Variants in ZFHX2 observed in about 807,000 individuals in gnomAD.
ZFHX2 encodes zinc finger homeobox protein 2.
In ZFHX2, 75 loss-of-function variants were observed where a neutral mutation model predicts 164.8. The ratio of observed to expected loss-of-function variants is 0.46; its 90% CI spans 0.38 to 0.55. The LOEUF is 0.55. ZFHX2 is among the 20% of genes least tolerant of loss of function. ZFHX2 has a pLI of 0.00. For missense variants in ZFHX2, 2,933 were observed against 3,308.0 expected, an observed-to-expected ratio of 0.89 and a Z score of 2.78; for synonymous variants, 1,217 against 1,351.4, an observed-to-expected ratio of 0.90 and a Z score of 2.18.
In ZFHX2 at chr14:23,521,285, A is replaced by T. The variant is rs1053636449; in HGVS notation, c.*677T>A. The T allele has an allele frequency of 1.3e-5, 2 of 152,424 alleles. No homozygotes were observed. The highest frequency in any genetic ancestry group is 1.5e-5 in the Non-Finnish European group (1 of 68,254). The allele number at this position is 152,424 out of a possible 1,614,324, so 9.4% of individuals were successfully genotyped here. A position where few individuals can be genotyped will look rare whatever the true frequency, so the allele number is the denominator to read the frequency against. The stretch of plus-strand genomic sequence containing the variant: ...AGGGAGAGGGTAGGAAGAGTGAACC[A>T]GAAGCACTTCTCCCATGCCAGCCTC... On this transcript the variant is annotated 3_prime_UTR_variant, in exon 10 of 10. Coordinates refer to ENST00000419474, the MANE Select transcript of ZFHX2 (RefSeq NM_033400.3).
rs764640280 is a variant in ZFHX2, at chr14:23,533,450, TGGG to T, written c.1873_1875del (p.Pro625del). ...TACTGGAAGAGTTCAGGGGGGCTAG[TGGG>T]GGTAGCCCCTGGTGGGGGAGGAGGG... On this transcript the variant is annotated inframe_deletion, in exon 2 of 10. Transcript: ENST00000419474. This position sits in a 1 kb window ranked among gnomAD's most constrained non-coding sequence, Gnocchi z 4.8. 20 of 1,532,970 alleles carry T rather than the reference TGGG, an allele frequency of 1.3e-5. No homozygotes were observed. In the South Asian group the frequency reaches 2.4e-4, roughly 18 times the overall value. 95.0% of individuals were successfully genotyped at this position (1,532,970 alleles called of 1,614,324 possible).
chr14:23,523,300 G>A lies in ZFHX2; in HGVS notation c.6642C>T (p.Leu2214=), dbSNP rs1233528718. 1.2e-5 allele frequency: 17 copies of A among 1,446,068 alleles called. No individual in the cohort carries two copies. In the African/African-American group the frequency reaches 1.4e-4, roughly 12 times the overall value. 89.6% of individuals were successfully genotyped at this position (1,446,068 alleles called of 1,614,324 possible). The change falls in exon 9 of 10, where the codon CTC becomes CTT. Residue 2214 remains leucine (L), a synonymous_variant. Coordinates refer to ENST00000419474, the MANE Select transcript of ZFHX2 (RefSeq NM_033400.3). This position sits in a 1 kb window ranked among gnomAD's most constrained non-coding sequence, Gnocchi z 4.1. ...GGCGAGGCAAGGTTGGGGCAGCCCC[G>A]AGGGGCATGGAGGCAGGTGTGGTGG... ...PPATTPASMP[L]GAAPTLPRLA...
At chr14:23,530,887 T>G (rs1027013512) in intron 4 of ZFHX2, 4 of 220,216 alleles carry the variant, frequency 1.8e-5, no homozygotes, top group African/African-American at 4.8e-5. Context: ...TGCCCACCTC[T>G]GGCAGCCCCT....
At position 23,533,486 on chromosome 14, in the gene ZFHX2, C is replaced by G. The variant is rs988870135; in HGVS notation, c.1840G>C (p.Gly614Arg). 20 of 1,535,880 alleles carry G rather than the reference C, an allele frequency of 1.3e-5. No homozygotes were observed. The highest frequency in any genetic ancestry group is 1.7e-5 in the Non-Finnish European group (19 of 1,146,852). The part of the protein sequence containing the change: ...LPLGLPPGLM[G>R]PGPPPPPGAT... ...CCTGGTGGGGGAGGAGGGCCTGGCC[C>G]CATCAATCCAGGTGGCAGGCCCAGC... The change falls in exon 2 of 10, where the codon GGG becomes CGG. Residue 614 changes from glycine to arginine, a missense_variant. Physicochemically the swap from Gly to Arg is moderately radical, Grantham distance 125. Coordinates refer to ENST00000419474, the MANE Select transcript of ZFHX2 (RefSeq NM_033400.3). This position sits in a 1 kb window ranked among gnomAD's most constrained non-coding sequence, Gnocchi z 4.8.
intron 1 of ZFHX2, chr14:23,548,266 A>C (rs1457906207): frequency 1.3e-5 from 2 of 152,124 alleles, no homozygotes; most frequent in African/African-American, 4.8e-5. Flanking sequence ...TCCTCTTGCT[A>C]CTGTCAGGCT....
chr14:23,533,382 A>G lies in ZFHX2; in HGVS notation c.1944T>C (p.Ala648=). The G allele has an allele frequency of 6.8e-7, 1 of 1,465,256 alleles. No individual in the cohort carries two copies. Among genetic ancestry groups the G allele is most frequent in the South Asian group, 1.4e-5 (1 of 72,430 alleles). 90.8% of individuals were successfully genotyped at this position (1,465,256 alleles called of 1,614,324 possible). The change falls in exon 2 of 10, where the codon GCT becomes GCC. Residue 648 remains alanine (A), a synonymous_variant. Coordinates refer to ENST00000419474, the MANE Select transcript of ZFHX2 (RefSeq NM_033400.3). The surrounding 1 kb of genome is among the most constrained non-coding windows in gnomAD (Gnocchi z 4.8). ...GCTTGTCTGGCCTCAGCCCCGGGCC[A>G]GCCAAGGGAGTCTGAGGCTGCCCTA... ...QALGQPQTPL[A]GPGLRPDKPL...
intron 1 of ZFHX2, among the ~76,000 whole-genome samples, chr14:23,536,707 C>T (rs142983430): frequency 3.3e-5 from 5 of 152,308 alleles, no homozygotes; most frequent in African/African-American, 1.2e-4. Context: ...GAGGGTCACA[C>T]AGCTCCAAGA....
rs781121611 is a variant in ZFHX2, at chr14:23,530,120, C to A, written c.2875G>T (p.Ala959Ser). The change falls in exon 5 of 10, where the codon GCT becomes TCT. Residue 959 changes from alanine to serine, a missense_variant and splice_region_variant. Physicochemically the swap from Ala to Ser is moderately conservative, Grantham distance 99. Coordinates refer to ENST00000419474, the MANE Select transcript of ZFHX2 (RefSeq NM_033400.3). ...KDAQNKTEQL[A>S]SEETENKTGP... is the part of the protein sequence containing the mutation. ...TGGGGGGAAGGGAGGGAAAACTCAC[C>A]CAATTGTTCTGTCTTGTTCTGGGCA... 2 of 1,535,932 alleles carry A rather than the reference C, an allele frequency of 1.3e-6. No individual in the cohort carries two copies. Among genetic ancestry groups the A allele is most frequent in the East Asian group, 4.9e-5 (2 of 40,912 alleles).
rs990783558 is a variant in ZFHX2 at position 23,535,385 on chromosome 14, A to T, written c.-49-11T>A. On this transcript the variant is annotated splice_polypyrimidine_tract_variant and intron_variant, in intron 1 of 9. Coordinates refer to ENST00000419474, the MANE Select transcript of ZFHX2 (RefSeq NM_033400.3). The surrounding 1 kb of genome is among the most constrained non-coding windows in gnomAD (Gnocchi z 4.5). ...GTGACAGCCAGTACCCTGTAGGGAG[A>T]CAAGGAGAGAGCAGTGCTGTGAGGC... The T allele has an allele frequency of 4.9e-6, 7 of 1,431,282 alleles. No individual in the cohort carries two copies. The highest frequency in any genetic ancestry group is 2.9e-5 in the Admixed American group (1 of 35,062). 88.7% of individuals were successfully genotyped at this position (1,431,282 alleles called of 1,614,324 possible).
chr14:23,527,751 C>T lies in ZFHX2; in HGVS notation c.2988G>A (p.Arg996=). Residue 996 remains arginine, a synonymous_variant, in exon 7 of 10, where the codon AGG becomes AGA. Coordinates refer to ENST00000419474, the MANE Select transcript of ZFHX2 (RefSeq NM_033400.3). ...CTGCATGCTGGGAGAGTGTATGAGCCCTCACCTGGCTGGACTCTGGGCTCA... is the reference window on the plus strand; with the variant it reads ...CTGCATGCTGGGAGAGTGTATGAGCTCTCACCTGGCTGGACTCTGGGCTCA... The part of the protein sequence containing the change: ...SFLSPESSQV[R]AHTLSQHAVQ... 17 of 1,536,062 alleles carry T rather than the reference C, an allele frequency of 1.1e-5. No homozygotes were observed. Among genetic ancestry groups the T allele is most frequent in the Non-Finnish European group, 1.5e-5 (17 of 1,146,906 alleles).
chr14:23,524,753 C>T lies in ZFHX2; in HGVS notation c.5189G>A (p.Gly1730Glu), dbSNP rs985024952. The change falls in exon 9 of 10, where the codon GGG becomes GAG. Residue 1730 changes from glycine (G) to glutamate (E), a missense_variant. Physicochemically the swap from Gly to Glu is moderately conservative, Grantham distance 98. Coordinates refer to ENST00000419474, the MANE Select transcript of ZFHX2 (RefSeq NM_033400.3). The surrounding 1 kb of genome is among the most constrained non-coding windows in gnomAD (Gnocchi z 5.6). ...AGGCTCTGGTAATGGGCCCTCAGGC[C>T]CTGCTGGAGGTTCAAGGCCCTGTTC... ...EEEQGLEPPAGPEGPLPEPPD... is the reference protein window; with the variant it reads ...EEEQGLEPPAEPEGPLPEPPD... 3 of 1,536,426 alleles carry T rather than the reference C, an allele frequency of 2.0e-6. No individual in the cohort carries two copies. Among genetic ancestry groups the T allele is most frequent in the South Asian group, 1.2e-5 (1 of 84,060 alleles).
chr14:23,521,683 G>A lies in ZFHX2; in HGVS notation c.*279C>T, dbSNP rs919877857. ...AGGCAGACATGTATGAATAATCAGGGTGCCAAGATGGGTGTATGTGTCTGT... is the reference window on the plus strand; with the variant it reads ...AGGCAGACATGTATGAATAATCAGGATGCCAAGATGGGTGTATGTGTCTGT... On this transcript the variant is annotated 3_prime_UTR_variant, in exon 10 of 10. Coordinates refer to ENST00000419474, the MANE Select transcript of ZFHX2 (RefSeq NM_033400.3). 1.6e-5 allele frequency: 7 copies of A among 430,876 alleles called. No individual in the cohort carries two copies. Among genetic ancestry groups the A allele is most frequent in the African/African-American group, 1.2e-4 (6 of 49,408 alleles). The allele number at this position is 430,876 out of a possible 1,614,324, so 26.7% of individuals were successfully genotyped here.
chr14:23,521,207 C>A lies in ZFHX2; in HGVS notation c.*755G>T, dbSNP rs1211637043. ...GCAGAGGGGTTTCTGGTGGCGGCAT[C>A]CCCTAGAGTCCAGGCCACAGGGGCT... On this transcript the variant is annotated 3_prime_UTR_variant, in exon 10 of 10. Transcript: ENST00000419474. 1 of 152,368 alleles carries A rather than the reference C, an allele frequency of 6.6e-6. No individual in the cohort carries two copies. Among genetic ancestry groups the A allele is most frequent in the African/African-American group, 2.4e-5 (1 of 41,420 alleles). 9.4% of individuals were successfully genotyped at this position (152,368 alleles called of 1,614,324 possible).
upstream of ZFHX2, among the ~76,000 whole-genome samples, chr14:23,553,420 T>G (rs1278964449): frequency 6.7e-6 from 1 of 150,210 alleles, no homozygotes; most frequent in Non-Finnish European, 1.5e-5. Flanking sequence ...ACCAACATGG[T>G]GAAACCCTGT....
At chr14:23,539,121 C>G (rs988245821) in intron 1 of ZFHX2, among the ~76,000 whole-genome samples, 2 of 152,168 alleles carry the variant, frequency 1.3e-5, no homozygotes, top group African/African-American at 4.8e-5. Context: ...GCCTATCCTC[C>G]TCCCCTAATG....
At position 23,534,260 on chromosome 14, in the gene ZFHX2, T is replaced by C. The variant is rs1432304530; in HGVS notation, c.1066A>G (p.Ser356Gly). ...GGCGATTCTTTGGCTTGGGTTGGGC[T>C]GGGGTCCCAGGTGGCTGTGGGTGGA... ...PSPPTATWDP[S>G]PTQAKESPVA... The change falls in exon 2 of 10, where the codon AGC (serine) becomes GGC (glycine). Residue 356 changes from serine (S) to glycine (G), a missense_variant. Transcript: ENST00000419474. The surrounding 1 kb of genome is among the most constrained non-coding windows in gnomAD (Gnocchi z 4.5). The C allele has an allele frequency of 6.5e-7, 1 of 1,529,088 alleles. No homozygotes were observed. Among genetic ancestry groups the C allele is most frequent in the East Asian group, 2.5e-5 (1 of 40,784 alleles). 94.7% of individuals were successfully genotyped at this position (1,529,088 alleles called of 1,614,324 possible).
rs563174066 is a variant in ZFHX2, at chr14:23,535,134, G to A, written c.192C>T (p.Gly64=). ...SEPGGQLLES[G]CGLVPPKEIG... Reference sequence around the variant, plus strand: ...TCTCCTTTGGTGGGACGAGGCCACAGCCCGACTCCAGGAGCTGTCCCCCTG... The same window carrying A: ...TCTCCTTTGGTGGGACGAGGCCACAACCCGACTCCAGGAGCTGTCCCCCTG... The change falls in exon 2 of 10, where the codon GGC becomes GGT. Residue 64 remains glycine (G), a synonymous_variant. Coordinates refer to ENST00000419474, the MANE Select transcript of ZFHX2 (RefSeq NM_033400.3). The surrounding 1 kb of genome is among the most constrained non-coding windows in gnomAD (Gnocchi z 4.5). 6.5e-7 allele frequency: 1 copy of A among 1,536,138 alleles called. No homozygotes were observed. The highest frequency in any genetic ancestry group is 2.0e-5 in the Admixed American group (1 of 51,006).
chr14:23,534,651 C>T lies in ZFHX2; in HGVS notation c.675G>A (p.Met225Ile). 2.0e-6 allele frequency: 3 copies of T among 1,536,198 alleles called. 1 individual carries two copies. The highest frequency in any genetic ancestry group is 2.4e-5 in the South Asian group (2 of 84,068). Residue 225 changes from methionine (M) to isoleucine (I), a missense_variant, in exon 2 of 10, where the codon ATG (methionine) becomes ATA (isoleucine). Coordinates refer to ENST00000419474, the MANE Select transcript of ZFHX2 (RefSeq NM_033400.3). The surrounding 1 kb of genome is among the most constrained non-coding windows in gnomAD (Gnocchi z 4.5). ...NPPGDPKDGP[M>I]GNSGGNHVAV... ...CCACGTGGTTGCCCCCGCTGTTCCC[C>T]ATGGGGCCATCTTTGGGATCTCCGG...
At position 23,522,141 on chromosome 14, in the gene ZFHX2, G is replaced by T. The variant is rs888813300; in HGVS notation, c.7540C>A (p.Leu2514Met). 1 of 1,523,596 alleles carries T rather than the reference G, an allele frequency of 6.6e-7. No homozygotes were observed. The allele number at this position is 1,523,596 out of a possible 1,614,324, so 94.4% of individuals were successfully genotyped here. A position where few individuals can be genotyped will look rare whatever the true frequency, so the allele number is the denominator to read the frequency against. Residue 2514 changes from leucine to methionine, a missense_variant, in exon 10 of 10, where the codon CTG becomes ATG. Leu to Met is a conservative substitution (Grantham distance 15). Coordinates refer to ENST00000419474, the MANE Select transcript of ZFHX2 (RefSeq NM_033400.3). The stretch of plus-strand genomic sequence containing the variant: ...TTGCGCCTGTGGGCCGAGGAGCGCA[G>T]GTGGGAGGCTAGGGCTTCACGCCCA... ...LSGREALASH[L>M]RSSAHRRKAA...
Sources: gnomAD v4.1 joint callset for allele counts (sites outside exome capture counted in the v4.1 genomes callset) on GRCh38, gnomAD v4.1.1 for gene constraint, Gnocchi (gnomAD v3.1) non-coding constraint, MANE v1.5 for transcripts, NCBI Gene and HGNC (gene_info 2026-07-23, HGNC 2026-07-21) for gene names.